Variants in NALF1 observed in about 807,000 individuals in gnomAD.
NALF1 encodes NALCN channel auxiliary factor 1, also known as family with sequence similarity 155 member A.
Under a neutral mutation model 48.4 loss-of-function variants are expected in NALF1, and 3 were observed. The ratio of observed to expected loss-of-function variants is 0.06; its 90% CI spans 0.03 to 0.16. NALF1 has a LOEUF of 0.16. Among genes scored for constraint, NALF1 ranks in the 10% least tolerant of loss-of-function variants. The pLI is 1.00. For missense variants in NALF1, 526 were observed against 571.5 expected (o/e 0.92, Z 0.81); for synonymous variants, 262 against 245.7 (o/e 1.07, Z -0.62).
At chr13:107,337,443 G>A (rs1036391978) in intron 1 of NALF1, among the ~76,000 whole-genome samples, 2 of 152,038 alleles carry the variant, frequency 1.3e-5, no homozygotes, top group African/African-American at 4.8e-5. Context: ...ATTCTTCAGG[G>A]AGTTGAGGTG....
intron 1 of NALF1, among the ~76,000 whole-genome samples, chr13:107,671,136 T>C (rs935533207): frequency 6.6e-5 from 10 of 152,074 alleles, no homozygotes; most frequent in Non-Finnish European, 2.9e-5. Context: ...AAATTATTAT[T>C]TAAAACAATG....
chr13:107,505,010 C>T (rs1009515816), intron 1 of NALF1, among the ~76,000 whole-genome samples: 1 of 152,162 alleles, frequency 6.6e-6, no homozygotes, highest in African/African-American at 2.4e-5. Context: ...ACAGACAGTG[C>T]ATAGATAGAC....
chr13:107,424,966 T>C (rs1172418192), intron 1 of NALF1, among the ~76,000 whole-genome samples: 3 of 152,222 alleles, frequency 2.0e-5, no homozygotes, highest in Non-Finnish European at 2.9e-5. Flanking sequence ...ATCCTTTCAC[T>C]TGTCAGTCAC....
intron 1 of NALF1, among the ~76,000 whole-genome samples, chr13:107,646,387 T>C (rs754029392): frequency 1.2e-4 from 18 of 152,010 alleles, no homozygotes; most frequent in Non-Finnish European, 1.9e-4. Context: ...AATGATGCAG[T>C]GAAATAAAAT....
rs187874888 is a variant in NALF1, at chr13:107,433,609, A to G, written c.916-222854T>C. On this transcript the variant is annotated intron_variant, in intron 1 of 2. Coordinates refer to ENST00000375915, the MANE Select transcript of NALF1 (RefSeq NM_001080396.3). ...AATAATAAAAAAAGAAAGATAATAT[A>G]TGTGCAATAAAATGATGTAATACAA... Among the ~76,000 whole-genome samples the G allele has an allele frequency of 3.9e-5, 6 of 152,202 alleles. 1 individual carries two copies. The East Asian group carries it at 5.8e-4, about 15-fold the overall frequency.
intron 1 of NALF1, among the ~76,000 whole-genome samples, chr13:107,710,658 T>C (rs959733635): frequency 1.3e-5 from 2 of 149,414 alleles, no homozygotes; most frequent in African/African-American, 5.1e-5. Flanking sequence ...AAGAAGAGCA[T>C]GGGGGAAACC....
At chr13:107,315,945 C>G (rs868556771) in intron 1 of NALF1, among the ~76,000 whole-genome samples, 1 of 151,190 alleles carries the variant, frequency 6.6e-6, no homozygotes, top group Admixed American at 6.6e-5. Context: ...ATGTGCACAA[C>G]GTGCAGGTTT....
At chr13:107,525,641 T>A (rs1876406379) in intron 1 of NALF1, among the ~76,000 whole-genome samples, 1 of 152,124 alleles carries the variant, frequency 6.6e-6, no homozygotes, top group South Asian at 2.1e-4. Context: ...GAGTGGGATT[T>A]TTTTAGTCAG....
intron 1 of NALF1, among the ~76,000 whole-genome samples, chr13:107,397,456 G>A (rs910146924): frequency 2.6e-5 from 4 of 152,158 alleles, no homozygotes; most frequent in Non-Finnish European, 4.4e-5. Context: ...TGCTAAGTTA[G>A]GCTGACATGC....
chr13:107,320,537 T>A (rs1353148372), intron 1 of NALF1, among the ~76,000 whole-genome samples: 1 of 152,122 alleles, frequency 6.6e-6, no homozygotes, highest in African/African-American at 2.4e-5. Context: ...TTAATCATGA[T>A]GAACCTAGAA....
At chr13:107,231,283 C>T (rs16969890) in intron 1 of NALF1, among the ~76,000 whole-genome samples, 5,611 of 152,126 alleles carry the variant, frequency 0.037, 160 homozygotes, top group South Asian at 0.08. Context: ...AAATAAAAAA[C>T]TTCGTATTTC....
At chr13:107,785,315 G>A (rs989362113) in intron 1 of NALF1, among the ~76,000 whole-genome samples, 2 of 151,932 alleles carry the variant, frequency 1.3e-5, no homozygotes, top group Non-Finnish European at 2.9e-5. Context: ...GAGAGAAGAC[G>A]TCTCCTTCCA....
At chr13:107,384,143 C>T (rs1883486376) in intron 1 of NALF1, among the ~76,000 whole-genome samples, 1 of 152,014 alleles carries the variant, frequency 6.6e-6, no homozygotes. Flanking sequence ...GTCCCAGCTA[C>T]ATGGGAGGCT....
chr13:107,780,083 T>TGTTGTG (rs1242399278), intron 1 of NALF1, among the ~76,000 whole-genome samples: 1 of 151,968 alleles, frequency 6.6e-6, no homozygotes, highest in Non-Finnish European at 1.5e-5. Flanking sequence ...GCGGTTTTGT[T>TGTTGTG]GTTGTGGTTG....
At chr13:107,686,079 G>GCGGGGGC (rs1191042484) in intron 1 of NALF1, among the ~76,000 whole-genome samples, 1 of 152,362 alleles carries the variant, frequency 6.6e-6, no homozygotes, top group African/African-American at 2.4e-5. Context: ...GGGGAGGACG[G>GCGGGGGC]CGGGGGCCGG....
chr13:107,388,839 T>C (rs1215407288), intron 1 of NALF1, among the ~76,000 whole-genome samples: 1 of 150,064 alleles, frequency 6.7e-6, no homozygotes, highest in Non-Finnish European at 1.5e-5. Context: ...TTCCAGTCAA[T>C]TAAAAAAAAA....
intron 1 of NALF1, among the ~76,000 whole-genome samples, chr13:107,352,307 T>A (rs1218011180): frequency 6.6e-6 from 1 of 152,166 alleles, no homozygotes; most frequent in Non-Finnish European, 1.5e-5. Context: ...AGTAAGTTTT[T>A]CAGGTTTCTC....
chr13:107,457,987 C>G lies in NALF1; in HGVS notation c.916-247232G>C, dbSNP rs138111207. On this transcript the variant is annotated intron_variant, in intron 1 of 2. Transcript: ENST00000375915. Reference sequence around the variant, plus strand: ...CATTGATTAACTGACAAACACTCCACAGCCTGATCTTAATCTCTCATACTC... The same window carrying G: ...CATTGATTAACTGACAAACACTCCAGAGCCTGATCTTAATCTCTCATACTC... Among the ~76,000 whole-genome samples the G allele has an allele frequency of 4.4e-3, 664 of 151,642 alleles. 4 individuals carry two copies. Among genetic ancestry groups the G allele is most frequent in the African/African-American group, 0.015 (637 of 41,154 alleles).
chr13:107,253,098 T>C (rs569833890), intron 1 of NALF1, among the ~76,000 whole-genome samples: 1 of 152,166 alleles, frequency 6.6e-6, no homozygotes, highest in African/African-American at 2.4e-5. Flanking sequence ...TAAATAATAG[T>C]CAACCTTTTA....
Sources: gnomAD v4.1 joint callset for allele counts (sites outside exome capture counted in the v4.1 genomes callset) on GRCh38, gnomAD v4.1.1 for gene constraint, MANE v1.5 for transcripts, NCBI Gene and HGNC (gene_info 2026-07-23, HGNC 2026-07-21) for gene names.